Variants in STRN observed in about 807,000 individuals in gnomAD.
The protein encoded by STRN is protein phosphatase 2 regulatory subunit B'''alpha.
STRN carries 53 observed loss-of-function variants against 96.3 expected under a neutral mutation model. That is an observed-to-expected ratio of 0.55 (90% CI 0.44 to 0.69). STRN has a LOEUF of 0.69. Ranked by LOEUF, STRN falls within the 30% of genes least tolerant of loss-of-function variation. The probability of loss-of-function intolerance (pLI) is 0.00; values close to 1 mark genes in which losing one functional copy is unlikely to be tolerated. For missense variants in STRN, 987 were observed against 963.9 expected, an observed-to-expected ratio of 1.02 and a Z score of -0.32; for synonymous variants, 428 against 355.9, an observed-to-expected ratio of 1.20 and a Z score of -2.28.
chr2:36,912,540 T>C (rs1669989623), intron 3 of STRN, among the ~76,000 whole-genome samples: 1 of 152,226 alleles, frequency 6.6e-6, no homozygotes, highest in Admixed American at 6.5e-5. Flanking sequence ...CTACTGTTAA[T>C]GTACTCTGTA....
chr2:36,861,198 C>T lies in STRN; in HGVS notation c.1603G>A (p.Gly535Ser). ...CAGCCCTGGATCAGTCCATCAGTAC[C>T]ACCACTGTAACACTGCTCACCATTG... ...SSNGEQCYSG[G>S]TDGLIQGWNT... Residue 535 changes from glycine (G) to serine (S), a missense_variant, in exon 13 of 18, where the codon GGT becomes AGT. By Grantham distance (56) the Gly-to-Ser change is moderately conservative. Transcript: ENST00000263918. 6.2e-7 allele frequency: 1 copy of T among 1,614,004 alleles called. No homozygotes were observed. Among genetic ancestry groups the T allele is most frequent in the South Asian group, 1.1e-5 (1 of 91,068 alleles).
intron 10 of STRN, among the ~76,000 whole-genome samples, chr2:36,872,953 C>G (rs909268548): frequency 6.6e-6 from 1 of 152,212 alleles, no homozygotes; most frequent in African/African-American, 2.4e-5. Context: ...CTGTTTTCCC[C>G]CAGATGCTGT....
chr2:36,887,771 T>C (rs1269594244), intron 7 of STRN, among the ~76,000 whole-genome samples: 1 of 152,164 alleles, frequency 6.6e-6, no homozygotes, highest in Non-Finnish European at 1.5e-5. Context: ...GGAAACTGAG[T>C]TTCTAGTAGT....
Position 36,905,578 on chromosome 2 carries a change from G to A in STRN, c.453C>T (p.Ser151=). ...NETEVQPQQN[S]QLMWKQGRQL... ...GTCGACCTTGTTTCCACATTAACTG[G>A]CTGTTTTGTTGTGGCTGCACTTCTG... The change falls in exon 4 of 18, where the codon AGC becomes AGT. Residue 151 remains serine (S), a synonymous_variant. Coordinates refer to ENST00000263918, the MANE Select transcript of STRN (RefSeq NM_003162.4). 2 of 1,613,442 alleles carry A rather than the reference G, an allele frequency of 1.2e-6. No homozygotes were observed. Among genetic ancestry groups the A allele is most frequent in the Non-Finnish European group, 1.7e-6 (2 of 1,179,892 alleles).
At chr2:36,856,924 T>C (rs1045561070) in intron 14 of STRN, among the ~76,000 whole-genome samples, 18 of 152,066 alleles carry the variant, frequency 1.2e-4, no homozygotes, top group African/African-American at 4.3e-4. Context: ...TCCCTTTGAC[T>C]TCCACCATGA....
intron 1 of STRN, among the ~76,000 whole-genome samples, chr2:36,961,788 CT>C (rs1213990313): frequency 6.6e-6 from 1 of 152,158 alleles, no homozygotes; most frequent in African/African-American, 2.4e-5. Context: ...GGGCAAGACC[CT>C]GTCTGACATG....
chr2:36,857,823 G>C, intron 14 of STRN, 33 bp downstream of exon 14: 3 of 1,569,162 alleles, frequency 1.9e-6, no homozygotes, highest in Non-Finnish European at 2.6e-6. Context: ...GTTTTATAGA[G>C]GATTCAGCAA....
In STRN at chr2:36,863,321, A is replaced by T. The variant is rs1290540947; in HGVS notation, c.1548-2068T>A. Among the ~76,000 whole-genome samples the T allele has an allele frequency of 3.3e-5, 5 of 152,132 alleles. No individual in the cohort carries two copies. The East Asian group carries it at 9.6e-4, about 29-fold the overall frequency. ...TTTTTAGTTTTAGGTTTTGCATTTA[A>T]GTCTTTAATCCGTCTGAATTGATTT... On this transcript the variant is annotated intron_variant, in intron 12 of 17. Coordinates refer to ENST00000263918, the MANE Select transcript of STRN (RefSeq NM_003162.4).
At chr2:36,887,265 TAAAATAAA>T (rs1285087145) in intron 7 of STRN, among the ~76,000 whole-genome samples, 1 of 106,770 alleles carries the variant, frequency 9.4e-6, no homozygotes, top group Non-Finnish European at 2.1e-5. Flanking sequence ...CCATTTCTAG[TAAAATAAA>T]TAAATAAATA....
intron 1 of STRN, among the ~76,000 whole-genome samples, chr2:36,930,755 G>A (rs1367558170): frequency 1.3e-5 from 2 of 151,966 alleles, no homozygotes; most frequent in African/African-American, 2.4e-5. Context: ...CCCAGAGGCC[G>A]GGCGCAGTGG....
Position 36,892,027 on chromosome 2 carries a change from T to G in STRN, c.931+1871A>C, listed in dbSNP as rs17020030. The stretch of plus-strand genomic sequence containing the variant: ...TGTGTAACTAAAAACGTAAAAAAAG[T>G]TCTTCATTTTAAGTAAAACACACTA... On this transcript the variant is annotated intron_variant, in intron 7 of 17. Coordinates refer to ENST00000263918, the MANE Select transcript of STRN (RefSeq NM_003162.4). Among the ~76,000 whole-genome samples, 1,132 of 152,296 alleles carry G rather than the reference T, an allele frequency of 7.4e-3. 14 individuals are homozygous for G. The highest frequency in any genetic ancestry group is 0.026 in the African/African-American group (1,081 of 41,558).
At chr2:36,881,015 G>T (rs1669054828) in intron 9 of STRN, among the ~76,000 whole-genome samples, 1 of 151,446 alleles carries the variant, frequency 6.6e-6, no homozygotes, top group African/African-American at 2.4e-5. Context: ...AAGACTATAG[G>T]TCACGTTTCC....
intron 11 of STRN, 47 bp from the exon 12 acceptor site, chr2:36,867,908 G>C: frequency 7.0e-7 from 1 of 1,421,538 alleles, no homozygotes; most frequent in Non-Finnish European, 9.6e-7. Flanking sequence ...TCAGTAAACA[G>C]TATAATTAAA....
rs1284855464 is a variant in STRN at position 36,937,931 on chromosome 2, G to A, written c.235-12723C>T. On this transcript the variant is annotated intron_variant, in intron 1 of 17. Transcript: ENST00000263918. ...AATAGTTCTATAAAGAAAAGTAGGG[G>A]AAAAAAGGCAAAGAAACATGAAACT... Among the ~76,000 whole-genome samples, 3 of 151,970 alleles carry A rather than the reference G, an allele frequency of 2.0e-5. No individual in the cohort carries two copies. In the East Asian group the frequency reaches 5.8e-4, roughly 29 times the overall value.
At position 36,859,645 on chromosome 2, in the gene STRN, T is replaced by C. The variant is rs540153910; in HGVS notation, c.1669+1487A>G. On this transcript the variant is annotated intron_variant, in intron 13 of 17. Coordinates refer to ENST00000263918, the MANE Select transcript of STRN (RefSeq NM_003162.4). ...GTAGATTCAGTCTCTCAAGGAATGT[T>C]TGTACACTGCAAAAAGTTAGGGTCT... Among the ~76,000 whole-genome samples the C allele has an allele frequency of 1.3e-4, 20 of 152,344 alleles. No individual in the cohort carries two copies. The South Asian group carries it at 3.5e-3, about 27-fold the overall frequency.
At position 36,886,873 on chromosome 2, in the gene STRN, G is replaced by T. The variant is rs750348240; in HGVS notation, c.932-47C>A. On this transcript the variant is annotated intron_variant, in intron 7 of 17. Coordinates refer to ENST00000263918, the MANE Select transcript of STRN (RefSeq NM_003162.4). ...AAACAGCCTTTTTCAATAAAATATT[G>T]AACACTCTGAGTCAGTATGTCTGAA... 1.1e-5 allele frequency: 17 copies of T among 1,483,214 alleles called. No individual in the cohort carries two copies. The South Asian group carries it at 2.0e-4, about 18-fold the overall frequency. 91.9% of individuals were successfully genotyped at this position (1,483,214 alleles called of 1,614,324 possible).
rs148932343 is a variant in STRN, at chr2:36,895,402, T to C, written c.796-1369A>G. On this transcript the variant is annotated intron_variant, in intron 6 of 17. Coordinates refer to ENST00000263918, the MANE Select transcript of STRN (RefSeq NM_003162.4). ...ATGCTAGAATAATTTGTTTAACTAT[T>C]TGGGATATTTTCCTAAAATCAAGAA... 5.3e-5 allele frequency among the ~76,000 whole-genome samples: 8 copies of C among 152,012 alleles called. No homozygotes were observed. In the East Asian group the frequency reaches 1.5e-3, roughly 29 times the overall value.
At chr2:36,929,953 A>T (rs1014828038) in intron 1 of STRN, among the ~76,000 whole-genome samples, 9 of 152,374 alleles carry the variant, frequency 5.9e-5, no homozygotes, top group African/African-American at 7.2e-5. Context: ...GAAATATATA[A>T]GTAAAAGTCA....
At position 36,848,600 on chromosome 2, in the gene STRN, T is replaced by A. The variant is rs1045252318; in HGVS notation, c.*856A>T. 6.6e-6 allele frequency: 1 copy of A among 152,184 alleles called. No homozygotes were observed. Among genetic ancestry groups the A allele is most frequent in the Non-Finnish European group, 1.5e-5 (1 of 68,032 alleles). 9.4% of individuals were successfully genotyped at this position (152,184 alleles called of 1,614,324 possible). On this transcript the variant is annotated 3_prime_UTR_variant, in exon 18 of 18. Transcript: ENST00000263918. ...TCACTCTGGTACTATAAATGTCACA[T>A]GAATAAAGTGAATTTTAAAATAGAA...
Sources: allele counts gnomAD v4.1 joint callset (sites outside exome capture counted in the v4.1 genomes callset), GRCh38; gene constraint gnomAD v4.1.1; transcripts MANE v1.5; gene names NCBI Gene and HGNC (gene_info 2026-07-23, HGNC 2026-07-21).